The following OTOP1 variants were observed in gnomAD, a reference collection of about 807,000 sequenced individuals.
The protein encoded by OTOP1 is otopetrin 1.
A neutral mutation model predicts 52.9 loss-of-function variants in OTOP1; 59 were observed. That is an observed-to-expected ratio of 1.12 (90% confidence interval 0.91 to 1.39). OTOP1 has a LOEUF of 1.39. Ranked by LOEUF, OTOP1 falls within the 40% of genes most tolerant of loss-of-function variation. OTOP1 has a pLI of 0.00. For missense variants in OTOP1, 761 were observed against 800.9 expected, an observed-to-expected ratio of 0.95 and a Z score of 0.60; for synonymous variants, 317 against 337.7, an observed-to-expected ratio of 0.94 and a Z score of 0.67.
rs1341519721 is a variant in OTOP1, at chr4:4,198,035, T to A, written c.799A>T (p.Ile267Phe). 1 of 1,614,054 alleles carries A rather than the reference T, an allele frequency of 6.2e-7. No homozygotes were observed. Among genetic ancestry groups the A allele is most frequent in the Admixed American group, 1.7e-5 (1 of 60,008 alleles). ...ATGTTGAAGGGGTAGAGGTAGTAGA[T>A]CCCGTGGGAGATGGCAGTGCACAGA... ...PTLCTAISHG[I>F]YYLYPFNIEY... is the part of the protein sequence containing the mutation. The change falls in exon 5 of 6, where the codon ATC (isoleucine) becomes TTC (phenylalanine). Residue 267 changes from isoleucine to phenylalanine, a missense_variant. By Grantham distance (21) the Ile-to-Phe change is conservative (BLOSUM62 0). Transcript: ENST00000296358.
At chr4:4,190,726 A>G (rs1347895350) in intron 5 of OTOP1, among the ~76,000 whole-genome samples, 1 of 152,202 alleles carries the variant, frequency 6.6e-6, no homozygotes, top group East Asian at 1.9e-4. Context: ...GGTATCCACC[A>G]CGGGGACCCT....
In OTOP1 at chr4:4,198,423, C is replaced by T. The variant is rs111404275; in HGVS notation, c.731-320G>A. ...ATGGATACACACACACACAGACAGA[C>T]GGAAAAAATCTGGAAGGACACAAAC... On this transcript the variant is annotated intron_variant, in intron 4 of 5. Coordinates refer to ENST00000296358, the MANE Select transcript of OTOP1 (RefSeq NM_177998.3). 1.3e-4 allele frequency among the ~76,000 whole-genome samples: 20 copies of T among 152,000 alleles called. No individual in the cohort carries two copies. In the East Asian group the frequency reaches 1.5e-3, roughly 12 times the overall value.
intron 1 of OTOP1, among the ~76,000 whole-genome samples, chr4:4,218,699 G>A (rs1282424532): frequency 6.6e-6 from 1 of 152,160 alleles, no homozygotes; most frequent in Non-Finnish European, 1.5e-5. Context: ...AGGCCAAGAT[G>A]GGTGGAACAC....
intron 1 of OTOP1, among the ~76,000 whole-genome samples, chr4:4,214,345 T>C (rs529179488): frequency 1.3e-5 from 2 of 152,260 alleles, no homozygotes; most frequent in East Asian, 3.9e-4. Flanking sequence ...AATAGTGCTC[T>C]GTTGGTAGGA....
intron 1 of OTOP1, among the ~76,000 whole-genome samples, chr4:4,223,042 C>A (rs753757519): frequency 6.6e-6 from 1 of 152,186 alleles, no homozygotes; most frequent in East Asian, 1.9e-4. Context: ...TCAAGCCAAA[C>A]CTTCCAGAGC....
rs767735095 is a variant in OTOP1 at position 4,197,611 on chromosome 4, G to C, written c.1223C>G (p.Ser408Ter). 3.0e-5 allele frequency: 48 copies of C among 1,613,834 alleles called. No individual in the cohort carries two copies. Among genetic ancestry groups the C allele is most frequent in the Non-Finnish European group, 2.7e-5 (32 of 1,180,016 alleles). The change falls in exon 5 of 6, where the codon TCA becomes TGA. Residue 408 changes from serine (S) to a stop codon, truncating the protein, a stop_gained. Transcript: ENST00000296358. LOFTEE classifies it high-confidence loss of function. ...ASGSWLISWG[S>*]ILAILCAEGH... ...CTCAGCACAGAGGATGGCCAAGATT[G>C]AGCCCCAGGAGATAAGCCAGGAGCC...
rs138456476 is a variant in OTOP1, at chr4:4,204,559, T to C, written c.599+1513A>G. Among the ~76,000 whole-genome samples the C allele has an allele frequency of 4.5e-4, 68 of 152,208 alleles. No homozygotes were observed. The East Asian group carries it at 0.013, about 29-fold the overall frequency. On this transcript the variant is annotated intron_variant, in intron 3 of 5. Coordinates refer to ENST00000296358, the MANE Select transcript of OTOP1 (RefSeq NM_177998.3). Reference sequence around the variant, plus strand: ...CTCCCTGCAAGCTGGCAGCCTCCTGTTGGCTTGATGTGGAAATGGTCCACA... The same window carrying C: ...CTCCCTGCAAGCTGGCAGCCTCCTGCTGGCTTGATGTGGAAATGGTCCACA...
At chr4:4,224,270 C>A (rs1717371961) in intron 1 of OTOP1, among the ~76,000 whole-genome samples, 1 of 151,628 alleles carries the variant, frequency 6.6e-6, no homozygotes, top group African/African-American at 2.4e-5. Context: ...TCGTTTGAAC[C>A]CGGGAGGTGG....
chr4:4,205,888 C>G (rs369758691), intron 3 of OTOP1, among the ~76,000 whole-genome samples, 184 bp downstream of exon 3: 30 of 152,344 alleles, frequency 2.0e-4, no homozygotes, highest in African/African-American at 7.0e-4. Flanking sequence ...ACTTCTGGAC[C>G]TGTCCCATGG....
At chr4:4,210,604 G>C (rs1025075228) in intron 2 of OTOP1, among the ~76,000 whole-genome samples, 5 of 152,202 alleles carry the variant, frequency 3.3e-5, no homozygotes, top group African/African-American at 1.2e-4. Context: ...GCCGAGGCAG[G>C]TGGATTGCCT....
At chr4:4,194,158 C>A (rs3856960) in intron 5 of OTOP1, among the ~76,000 whole-genome samples, 116,852 of 152,124 alleles carry the variant, frequency 0.77, 45,267 homozygotes, top group South Asian at 0.87. Context: ...CATTGCACTA[C>A]AGCCTGGGCA....
intron 1 of OTOP1, among the ~76,000 whole-genome samples, chr4:4,225,409 T>C (rs1175866521): frequency 6.6e-6 from 1 of 152,020 alleles, no homozygotes; most frequent in Non-Finnish European, 1.5e-5. Flanking sequence ...CTGTACAAAA[T>C]ATAACAAAAC....
chr4:4,190,122 C>T (rs912526745), intron 5 of OTOP1, among the ~76,000 whole-genome samples: 14 of 152,156 alleles, frequency 9.2e-5, no homozygotes, highest in Admixed American at 2.0e-4. Context: ...TATATACAGC[C>T]GACCTCTGTA....
In OTOP1 at chr4:4,220,094, TATA is replaced by T. The variant is rs1469986949; in HGVS notation, c.403+6365_403+6367del. On this transcript the variant is annotated intron_variant, in intron 1 of 5. Coordinates refer to ENST00000296358, the MANE Select transcript of OTOP1 (RefSeq NM_177998.3). ...ATATATGTATACATATATATATATA[TATA>T]TATATATATTTTTTTTTTTTTTGAG... 4.8e-3 allele frequency among the ~76,000 whole-genome samples: 503 copies of T among 103,750 alleles called. 3 individuals carry two copies. Among genetic ancestry groups the T allele is most frequent in the African/African-American group, 0.019 (438 of 23,028 alleles). 68.1% of individuals were successfully genotyped at this position (103,750 alleles called of 152,430 possible).
At chr4:4,212,083 T>C (rs1235921001) in intron 2 of OTOP1, among the ~76,000 whole-genome samples, 7 of 152,182 alleles carry the variant, frequency 4.6e-5, no homozygotes, top group African/African-American at 1.4e-4. Context: ...AATCATGTTG[T>C]ATATCTTAAA....
rs1405393364 is a variant in OTOP1 at position 4,197,748 on chromosome 4, C to T, written c.1086G>A (p.Gly362=). ...TCCGGATTCCAGCCAGCCCCGCAGCCCCCATAAGCATCAGCAGGGTGATGG... is the reference window on the plus strand; with the variant it reads ...TCCGGATTCCAGCCAGCCCCGCAGCTCCCATAAGCATCAGCAGGGTGATGG... The part of the protein sequence containing the change: ...LYAITLLMLM[G]AAGLAGIRIY... Residue 362 remains glycine, a synonymous_variant, in exon 5 of 6, where the codon GGG becomes GGA. Coordinates refer to ENST00000296358, the MANE Select transcript of OTOP1 (RefSeq NM_177998.3). 1.2e-6 allele frequency: 2 copies of T among 1,613,768 alleles called. No individual in the cohort carries two copies. The highest frequency in any genetic ancestry group is 1.3e-5 in the African/African-American group (1 of 74,818).
chr4:4,194,349 A>G (rs1157648700), intron 5 of OTOP1, among the ~76,000 whole-genome samples: 2 of 152,186 alleles, frequency 1.3e-5, no homozygotes, highest in African/African-American at 2.4e-5. Context: ...AACTCTTTCA[A>G]TTCTTGGTTC....
chr4:4,204,692 TCA>T (rs922191051), intron 3 of OTOP1, among the ~76,000 whole-genome samples: 2 of 151,930 alleles, frequency 1.3e-5, no homozygotes, highest in African/African-American at 4.8e-5. Flanking sequence ...ATTTCTAATC[TCA>T]GTGTATGTTT....
chr4:4,219,008 AT>A (rs1185803642), intron 1 of OTOP1, among the ~76,000 whole-genome samples: 6 of 152,324 alleles, frequency 3.9e-5, no homozygotes, highest in African/African-American at 1.4e-4. Context: ...GAATAAAAAA[AT>A]CACAATAAAT....
Sources: allele counts gnomAD v4.1 joint callset (sites outside exome capture counted in the v4.1 genomes callset), GRCh38; gene constraint gnomAD v4.1.1; transcripts MANE v1.5; gene names NCBI Gene and HGNC (gene_info 2026-07-23, HGNC 2026-07-21).